The following CFAP221 variants were observed in gnomAD, a reference collection of about 807,000 sequenced individuals.
CFAP221 encodes cilia- and flagella-associated protein 221.
Under a neutral mutation model 113.1 loss-of-function variants are expected in CFAP221, and 97 were observed. The observed-to-expected ratio is 0.86, with a 90% CI of 0.73 to 1.02. CFAP221 has a LOEUF of 1.02. Ranked by LOEUF, CFAP221 falls within the 50% of genes least tolerant of loss-of-function variation. CFAP221 has a pLI of 0.00. For synonymous variants in CFAP221, 331 were observed against 354.4 expected (o/e 0.93, Z 0.74); for missense variants, 1,025 against 1,013.4 (o/e 1.01, Z -0.16).
downstream of CFAP221, among the ~76,000 whole-genome samples, chr2:119,659,188 C>G (rs1328612270): frequency 6.6e-6 from 1 of 152,104 alleles, no homozygotes; most frequent in South Asian, 2.1e-4. Context: ...AAGTAACATC[C>G]CATTTGCTAA....
chr2:119,569,771 C>G (rs1254050620), intron 6 of CFAP221, among the ~76,000 whole-genome samples: 2 of 152,110 alleles, frequency 1.3e-5, no homozygotes, highest in Non-Finnish European at 2.9e-5. Context: ...TTAGCTGTGT[C>G]CAACCTGCTA....
intron 21 of CFAP221, among the ~76,000 whole-genome samples, chr2:119,643,357 A>AAAG (rs1272125233): frequency 6.6e-6 from 1 of 152,222 alleles, no homozygotes; most frequent in Non-Finnish European, 1.5e-5. Context: ...ACTCTTCAGT[A>AAAG]AATTCAGAGA....
At chr2:119,589,994 G>A (rs558396352) in intron 7 of CFAP221, 4 of 152,204 alleles carry the variant, frequency 2.6e-5, no homozygotes, top group East Asian at 1.9e-4. Flanking sequence ...GATCTTATTA[G>A]CATCGGAGAT....
intron 23 of CFAP221, among the ~76,000 whole-genome samples, chr2:119,652,334 T>C (rs963348487): frequency 1.3e-4 from 20 of 152,256 alleles, no homozygotes; most frequent in Non-Finnish European, 2.5e-4. Context: ...TGTTTCTCAT[T>C]AATAGCTGAT....
Position 119,608,447 on chromosome 2 carries a change from G to T in CFAP221, c.1134-55G>T, listed in dbSNP as rs553476454. Reference sequence around the variant, plus strand: ...ATATAGTGAAATATTCCATCCTAAAGTTGACTCTGGTATTCTGATGGGTTC... The same window carrying T: ...ATATAGTGAAATATTCCATCCTAAATTTGACTCTGGTATTCTGATGGGTTC... On this transcript the variant is annotated intron_variant, in intron 11 of 23. Transcript: ENST00000413369. 48 of 1,332,832 alleles carry T rather than the reference G, an allele frequency of 3.6e-5. No individual in the cohort carries two copies. In the South Asian group the frequency reaches 5.8e-4, roughly 16 times the overall value. 82.6% of individuals were successfully genotyped at this position (1,332,832 alleles called of 1,614,324 possible).
At chr2:119,623,046 G>C (rs1199189565) in intron 14 of CFAP221, among the ~76,000 whole-genome samples, 1 of 152,020 alleles carries the variant, frequency 6.6e-6, no homozygotes, top group East Asian at 1.9e-4. Flanking sequence ...AGAAATAAAG[G>C]GTATTCAAAT....
intron 6 of CFAP221, among the ~76,000 whole-genome samples, chr2:119,566,372 G>C (rs1358183685): frequency 6.6e-6 from 1 of 152,094 alleles, no homozygotes; most frequent in African/African-American, 2.4e-5. Flanking sequence ...ACTTGCTCCC[G>C]ACCACCGCCT....
At chr2:119,557,076 G>GA (rs1449357894) in intron 3 of CFAP221, 2 of 152,154 alleles carry the variant, frequency 1.3e-5, no homozygotes, top group Non-Finnish European at 2.9e-5. Context: ...AGGAATACTG[G>GA]AAAAATGGAG....
At chr2:119,571,133 C>CTTTTTTTTTTTTTTTTTTTTTT in intron 6 of CFAP221, among the ~76,000 whole-genome samples, 1 of 93,132 alleles carries the variant, frequency 1.1e-5, no homozygotes, top group Non-Finnish European at 2.0e-5. Context: ...TAACAACCCC[C>CTTTTTTTTTTTTTTTTTTTTTT]TTTTTTTTTT....
At chr2:119,637,415 G>A (rs79674346) in intron 19 of CFAP221, among the ~76,000 whole-genome samples, 2,368 of 152,294 alleles carry the variant, frequency 0.016, 35 homozygotes, top group Non-Finnish European at 0.025. Flanking sequence ...AGTTTGGGGG[G>A]ACATTTGTTT....
chr2:119,569,125 A>C (rs1681860077), intron 6 of CFAP221, among the ~76,000 whole-genome samples: 1 of 150,258 alleles, frequency 6.7e-6, no homozygotes, highest in Admixed American at 6.6e-5. Flanking sequence ...GACTTCTTTC[A>C]ATTTATTTAT....
At chr2:119,640,886 G>A (rs1687444055) in intron 21 of CFAP221, among the ~76,000 whole-genome samples, 2 of 152,188 alleles carry the variant, frequency 1.3e-5, no homozygotes. Context: ...CCAACTCTCT[G>A]GGCCCAGTCC....
intron 8 of CFAP221, among the ~76,000 whole-genome samples, chr2:119,602,367 A>G (rs1018616060): frequency 6.6e-6 from 1 of 152,158 alleles, no homozygotes; most frequent in African/African-American, 2.4e-5. Context: ...AGAGCGAGAC[A>G]TCATCTCAAA....
rs114946550 is a variant in CFAP221, at chr2:119,554,102, G to A, written c.240+4917G>A. Among the ~76,000 whole-genome samples, 1,020 of 152,278 alleles carry A rather than the reference G, an allele frequency of 6.7e-3. 14 individuals are homozygous for A. Among genetic ancestry groups the A allele is most frequent in the African/African-American group, 0.023 (960 of 41,560 alleles). On this transcript the variant is annotated intron_variant, in intron 3 of 23. Transcript: ENST00000413369. ...CCCTGTTTCCACGGCAAAGTGAAGC[G>A]GAAGCTTAAGGCAGTTACCTTGAAA...
At chr2:119,657,709 C>T (rs2104829606), downstream of CFAP221, among the ~76,000 whole-genome samples, 1 of 152,250 alleles carries the variant, frequency 6.6e-6, no homozygotes, top group Non-Finnish European at 1.5e-5. Context: ...GTCAACGTGT[C>T]CCCTTCTTCT....
chr2:119,586,997 C>A (rs1024786346), intron 6 of CFAP221, 122 bp from the exon 7 acceptor site: 1 of 636,466 alleles, frequency 1.6e-6, no homozygotes, highest in Non-Finnish European at 2.5e-6. Context: ...ACAGGAAGTG[C>A]CAGATCAGCA....
chr2:119,634,651 A>C (rs1687002792), intron 19 of CFAP221, among the ~76,000 whole-genome samples: 1 of 152,226 alleles, frequency 6.6e-6, no homozygotes, highest in Non-Finnish European at 1.5e-5. Context: ...AAAAGGAAGG[A>C]AATACTGTAA....
At chr2:119,566,703 G>A (rs1414278109) in intron 6 of CFAP221, among the ~76,000 whole-genome samples, 1 of 152,148 alleles carries the variant, frequency 6.6e-6, no homozygotes, top group Non-Finnish European at 1.5e-5. Context: ...CAGCTTCTGA[G>A]CCCTACCTCA....
intron 3 of CFAP221, among the ~76,000 whole-genome samples, chr2:119,558,128 G>T: frequency 6.6e-6 from 1 of 151,948 alleles, no homozygotes; most frequent in Non-Finnish European, 1.5e-5. Flanking sequence ...TCCACTTCCA[G>T]CTCTTCCTGG....
Sources: gnomAD v4.1 joint callset for allele counts (sites outside exome capture counted in the v4.1 genomes callset) on GRCh38, gnomAD v4.1.1 for gene constraint, MANE v1.5 for transcripts, NCBI Gene and HGNC (gene_info 2026-07-23, HGNC 2026-07-21) for gene names.